Variants in DLGAP2 observed in about 807,000 individuals in gnomAD.
The protein encoded by DLGAP2 is disks large-associated protein 2.
In DLGAP2, 26 loss-of-function variants were observed where a neutral mutation model predicts 100.3. That is an observed-to-expected ratio of 0.26 (90% CI 0.19 to 0.36). The LOEUF (loss-of-function observed/expected upper bound fraction) is 0.36. Ranked by LOEUF, DLGAP2 falls within the 10% of genes least tolerant of loss-of-function variation. The pLI, the probability that DLGAP2 is intolerant of heterozygous loss-of-function variation, is 1.00. For missense variants in DLGAP2, 1,858 were observed against 1,453.2 expected (o/e 1.28, Z -4.53); for synonymous variants, 886 against 630.1 (o/e 1.41, Z -6.08).
chr8:1,595,534 G>C (rs1252476749), intron 6 of DLGAP2, among the ~76,000 whole-genome samples: 1 of 151,170 alleles, frequency 6.6e-6, no homozygotes, highest in Non-Finnish European at 1.5e-5. Flanking sequence ...GGGCACGGTG[G>C]CGGGCGCCTG....
chr8:1,232,181 C>G (rs760265337), intron 2 of DLGAP2, among the ~76,000 whole-genome samples: 3 of 152,196 alleles, frequency 2.0e-5, no homozygotes, highest in Non-Finnish European at 2.9e-5. Context: ...TTTGGGGCAG[C>G]TGGAGAACAA....
intron 14 of DLGAP2, among the ~76,000 whole-genome samples, chr8:1,699,569 G>T (rs111252665): frequency 6.6e-6 from 1 of 151,950 alleles, no homozygotes; most frequent in Non-Finnish European, 1.5e-5. Context: ...AGCCAAGATC[G>T]TGCCACTGCA....
intron 1 of DLGAP2, among the ~76,000 whole-genome samples, chr8:785,393 G>GTCTCTCTGAGACCGGCTTCTCTCCTCCC (rs1821820379): frequency 6.7e-6 from 1 of 149,712 alleles, no homozygotes; most frequent in African/African-American, 2.4e-5. Flanking sequence ...TCTGAGACCG[G>GTCTCTCTGAGACCGGCTTCTCTCCTCCC]CTTCTCTCCT....
intron 3 of DLGAP2, among the ~76,000 whole-genome samples, chr8:1,373,286 G>T (rs1450149315): frequency 6.6e-6 from 1 of 151,916 alleles, no homozygotes; most frequent in Non-Finnish European, 1.5e-5. Flanking sequence ...GGCCCGGAGG[G>T]TGTCGGGAGC....
intron 4 of DLGAP2, among the ~76,000 whole-genome samples, chr8:1,510,678 TG>T (rs2130369649): frequency 6.6e-6 from 1 of 152,072 alleles, no homozygotes; most frequent in Admixed American, 6.5e-5. Flanking sequence ...ACAGAGAGAG[TG>T]GTGACTTCTC....
At chr8:978,636 G>T (rs368276009) in intron 2 of DLGAP2, among the ~76,000 whole-genome samples, 2 of 149,584 alleles carry the variant, frequency 1.3e-5, no homozygotes, top group African/African-American at 4.9e-5. Flanking sequence ...GGGCGTCGGG[G>T]ATGCAGTGAG....
intron 1 of DLGAP2, among the ~76,000 whole-genome samples, chr8:864,304 G>T (rs1797449685): frequency 6.6e-6 from 1 of 152,030 alleles, no homozygotes; most frequent in African/African-American, 2.4e-5. Flanking sequence ...AATATCGTAC[G>T]GTATGTCCCA....
chr8:1,120,867 G>C (rs59643943), intron 2 of DLGAP2, among the ~76,000 whole-genome samples: 2 of 133,326 alleles, frequency 1.5e-5, no homozygotes, highest in Admixed American at 7.2e-5. Context: ...TTCAGAACCC[G>C]TGACCACCCA....
At chr8:1,632,790 A>C (rs1797678855) in intron 7 of DLGAP2, 37 bp from the exon 8 acceptor site, 1 of 1,557,000 alleles carries the variant, frequency 6.4e-7, no homozygotes, top group African/African-American at 1.3e-5. Context: ...GTGACCCTGG[A>C]GGGCCGGGGC....
chr8:808,642 G>A (rs1285255292), intron 1 of DLGAP2, among the ~76,000 whole-genome samples: 3 of 152,158 alleles, frequency 2.0e-5, no homozygotes, highest in Non-Finnish European at 4.4e-5. Context: ...CGCTGTCCGA[G>A]CTCCTGCCCA....
intron 2 of DLGAP2, among the ~76,000 whole-genome samples, chr8:1,227,310 G>A (rs532066520): frequency 1.3e-5 from 2 of 149,056 alleles, no homozygotes; most frequent in East Asian, 2.0e-4. Flanking sequence ...TCTCCTTTTC[G>A]ATCATTGTTG....
At chr8:1,170,161 T>C (rs1187079506) in intron 2 of DLGAP2, among the ~76,000 whole-genome samples, 2 of 152,224 alleles carry the variant, frequency 1.3e-5, no homozygotes, top group African/African-American at 2.4e-5. Flanking sequence ...TTGTCTTTGG[T>C]TCTGTTTATA....
intron 2 of DLGAP2, among the ~76,000 whole-genome samples, chr8:1,198,762 C>G (rs1797807134): frequency 6.6e-6 from 1 of 152,232 alleles, no homozygotes; most frequent in Non-Finnish European, 1.5e-5. Flanking sequence ...AAGACCACAC[C>G]TGAACGATGC....
At chr8:1,154,175 G>A (rs752420990) in intron 2 of DLGAP2, among the ~76,000 whole-genome samples, 4 of 152,156 alleles carry the variant, frequency 2.6e-5, no homozygotes, top group African/African-American at 9.7e-5. Context: ...ATGCCTCGAG[G>A]TAATGTAAGG....
chr8:1,512,089 C>A (rs1800186817), intron 4 of DLGAP2, among the ~76,000 whole-genome samples: 1 of 152,178 alleles, frequency 6.6e-6, no homozygotes, highest in Non-Finnish European at 1.5e-5. Context: ...CCCAGGTAGG[C>A]AGGGCTGAGG....
At chr8:1,132,563 A>G (rs755640645) in intron 2 of DLGAP2, among the ~76,000 whole-genome samples, 5 of 152,238 alleles carry the variant, frequency 3.3e-5, no homozygotes, top group Non-Finnish European at 5.9e-5. Context: ...ACACCTTGAT[A>G]TAGAACTGAG....
chr8:951,456 G>A (rs1799477861), intron 2 of DLGAP2, among the ~76,000 whole-genome samples: 1 of 152,122 alleles, frequency 6.6e-6, no homozygotes, highest in Non-Finnish European at 1.5e-5. Context: ...TTGCCATGTT[G>A]GCCAGGTGGG....
intron 6 of DLGAP2, among the ~76,000 whole-genome samples, chr8:1,575,490 T>TATTATTATTATTA (rs1563231253): frequency 6.9e-6 from 1 of 144,278 alleles, no homozygotes; most frequent in South Asian, 2.3e-4. Context: ...TTATTATTAT[T>TATTATTATTATTA]TAAGTTCTAG....
intron 2 of DLGAP2, among the ~76,000 whole-genome samples, chr8:1,180,719 G>A (rs1424141407): frequency 6.6e-6 from 1 of 151,042 alleles, no homozygotes; most frequent in Admixed American, 6.6e-5. Context: ...GGTGTGCAAG[G>A]GCAGCACACT....
Sources: allele counts gnomAD v4.1 joint callset (sites outside exome capture counted in the v4.1 genomes callset), GRCh38; gene constraint gnomAD v4.1.1; transcripts MANE v1.5; gene names NCBI Gene and HGNC (gene_info 2026-07-23, HGNC 2026-07-21).